The following SEC16B variants were observed in gnomAD, a reference collection of about 807,000 sequenced individuals.
SEC16B encodes the protein protein transport protein Sec16B.
A neutral mutation model predicts 141.8 loss-of-function variants in SEC16B; 115 were observed. That is an observed-to-expected ratio of 0.81 (90% CI 0.70 to 0.95). The LOEUF is 0.95. Among genes scored for constraint, SEC16B ranks in the 40% least tolerant of loss-of-function variants. The probability of loss-of-function intolerance (pLI) is 0.00; values close to 1 mark genes in which losing one functional copy is unlikely to be tolerated. For synonymous variants in SEC16B, 493 were observed against 492.5 expected (o/e 1.00, Z -0.01); for missense variants, 1,291 against 1,312.3 (o/e 0.98, Z 0.25).
Position 177,932,780 on chromosome 1 carries a change from G to C in SEC16B, c.2850C>G (p.His950Gln). 1.9e-6 allele frequency: 3 copies of C among 1,612,838 alleles called. No individual in the cohort carries two copies. The highest frequency in any genetic ancestry group is 1.7e-5 in the Admixed American group (1 of 59,924). The change falls in exon 23 of 26, where the codon CAC (histidine) becomes CAG (glutamine). Residue 950 changes from histidine (H) to glutamine (Q), a missense_variant. His to Gln is a conservative substitution (Grantham distance 24, BLOSUM62 0). Around this residue, in one of 3 missense-constraint regions of SEC16B, gnomAD observed 605 missense variants for 614.1 expected, o/e 0.99. Transcript: ENST00000308284. ...TCAGTGAGAGGCCCAGGCCAGCCTG[G>C]TGGGGAGAAGATGCTCTGGGGGTCT... ...SEETPRASSP[H>Q]QAGLGLSLTP...
At chr1:177,950,895 GGAAA>G (rs886752074) in intron 12 of SEC16B, among the ~76,000 whole-genome samples, 8 of 144,802 alleles carry the variant, frequency 5.5e-5, no homozygotes, top group Middle Eastern at 3.6e-3. Context: ...GAGGAAGGAA[GGAAA>G]GAAGGAAGGA....
intron 8 of SEC16B, chr1:177,959,383 CA>C (rs1392603102): frequency 9.0e-6 from 2 of 221,020 alleles, no homozygotes; most frequent in Admixed American, 1.0e-4. Flanking sequence ...TACCTCCATA[CA>C]AAAAGGAATT....
intron 12 of SEC16B, chr1:177,948,260 A>T: frequency 9.3e-7 from 1 of 1,075,206 alleles, no homozygotes; most frequent in Non-Finnish European, 1.2e-6. Flanking sequence ...CCAGATAGCT[A>T]GAGACAAAAC....
At position 177,970,017 on chromosome 1, in the gene SEC16B, T is replaced by A. The variant is rs1351980344; in HGVS notation, c.-192A>T. 1 of 151,820 alleles carries A rather than the reference T, an allele frequency of 6.6e-6. No individual in the cohort carries two copies. The highest frequency in any genetic ancestry group is 1.5e-5 in the Non-Finnish European group (1 of 67,992). 9.4% of individuals were successfully genotyped at this position (151,820 alleles called of 1,614,324 possible). A position where few individuals can be genotyped will look rare whatever the true frequency, so the allele number is the denominator to read the frequency against. ...GACTCCCCAGGCCCTCAGATCTACA[T>A]CATGTCAGTTACCTTTGCAACTGCC... On this transcript the variant is annotated 5_prime_UTR_variant, in exon 1 of 26. It removes an upstream start codon present in the reference 5' UTR. Coordinates refer to ENST00000308284, the MANE Select transcript of SEC16B (RefSeq NM_033127.4).
intron 1 of SEC16B, among the ~76,000 whole-genome samples, chr1:177,980,927 G>T (rs187018036): frequency 3.3e-5 from 5 of 152,034 alleles, no homozygotes; most frequent in Admixed American, 6.6e-5. Context: ...GGAAGACCTG[G>T]TACATTTGCA....
chr1:177,983,853 C>T lies in SEC16B; in HGVS notation c.-59+353G>A, dbSNP rs532229481. Among the ~76,000 whole-genome samples the T allele has an allele frequency of 3.7e-4, 57 of 152,346 alleles. 1 individual carries two copies. Among genetic ancestry groups the T allele is most frequent in the Middle Eastern group, 6.8e-3 (2 of 294 alleles). ...TTCCTTTCATCTTTCCATAATCAAA[C>T]CTGCCTAAAGTTTTTTAGTAAGTTG... On this transcript the variant is annotated intron_variant and NMD_transcript_variant, in intron 1 of 24. Coordinates refer to the SEC16B transcript ENST00000528461.
Position 177,937,478 on chromosome 1 carries a change from C to T in SEC16B, c.2239G>A (p.Gly747Ser). The change falls in exon 19 of 26, where the codon GGC becomes AGC. Residue 747 changes from glycine to serine, a missense_variant. This residue lies in a region of SEC16B where 605 missense variants were observed against 614.1 expected (regional missense o/e 0.99). Coordinates refer to ENST00000308284, the MANE Select transcript of SEC16B (RefSeq NM_033127.4). ...TFYQDFSGCQ[G>S]YSEAPGYRSA... ...CGGTACCCAGGGGCTTCAGAGTAGC[C>T]TTGACATCCAGAAAAGTCCTGGTAG... 1 of 1,574,686 alleles carries T rather than the reference C, an allele frequency of 6.4e-7. No homozygotes were observed. Among genetic ancestry groups the T allele is most frequent in the Non-Finnish European group, 8.6e-7 (1 of 1,161,484 alleles).
At chr1:177,946,374 C>A in intron 14 of SEC16B, 46 bp downstream of exon 14, 5 of 1,360,040 alleles carry the variant, frequency 3.7e-6, no homozygotes, top group Non-Finnish European at 5.1e-6. Flanking sequence ...CTAAAACAGT[C>A]CCTTGGAAAA....
In SEC16B at chr1:177,941,979, T is replaced by A. The variant is rs1651312041; in HGVS notation, c.1943A>T (p.His648Leu). 1 of 1,613,834 alleles carries A rather than the reference T, an allele frequency of 6.2e-7. No individual in the cohort carries two copies. The highest frequency in any genetic ancestry group is 8.5e-7 in the Non-Finnish European group (1 of 1,179,890). ...AGCTGCACCAATGGCTTCGCAGTAATGCAAAGCCTGGGACACGAGGCCATA... is the reference window on the plus strand; with the variant it reads ...AGCTGCACCAATGGCTTCGCAGTAAAGCAAAGCCTGGGACACGAGGCCATA... ...ADYGLVSQAL[H>L]YCEAIGAAVL... Residue 648 changes from histidine (H) to leucine (L), a missense_variant, in exon 16 of 26, where the codon CAT (histidine) becomes CTT (leucine). His to Leu is a moderately conservative substitution (Grantham distance 99). Around this residue, in one of 3 missense-constraint regions of SEC16B, gnomAD observed 605 missense variants for 614.1 expected, o/e 0.99. Transcript: ENST00000308284.
chr1:177,936,371 T>C lies in SEC16B; in HGVS notation c.2504-6A>G. The C allele has an allele frequency of 2.5e-6, 4 of 1,605,402 alleles. No individual in the cohort carries two copies. The highest frequency in any genetic ancestry group is 3.4e-6 in the Non-Finnish European group (4 of 1,175,498). On this transcript the variant is annotated splice_polypyrimidine_tract_variant and splice_region_variant and intron_variant, in intron 19 of 25. Coordinates refer to ENST00000308284, the MANE Select transcript of SEC16B (RefSeq NM_033127.4). The stretch of plus-strand genomic sequence containing the variant: ...TTGAGACACTGTGTTCTCTCCTGCA[T>C]CACAAACAGAAATGGAAATAGCAAT...
chr1:177,940,204 G>T (rs1651173114), intron 17 of SEC16B, among the ~76,000 whole-genome samples: 1 of 152,178 alleles, frequency 6.6e-6, no homozygotes, highest in African/African-American at 2.4e-5. Flanking sequence ...GAACAAAAAG[G>T]AAAAGGCCCG....
chr1:177,967,412 T>A (rs1653617634), intron 2 of SEC16B, among the ~76,000 whole-genome samples: 1 of 152,132 alleles, frequency 6.6e-6, no homozygotes, highest in East Asian at 1.9e-4. Flanking sequence ...TTTCTACCCT[T>A]GACACTGCCT....
At chr1:177,953,866 C>G (rs1034896822) in intron 11 of SEC16B, among the ~76,000 whole-genome samples, 1 of 152,128 alleles carries the variant, frequency 6.6e-6, no homozygotes, top group Non-Finnish European at 1.5e-5. Context: ...CCCCACCCTA[C>G]TCTCAGTATC....
upstream of SEC16B, among the ~76,000 whole-genome samples, chr1:177,971,112 T>C (rs1363834738): frequency 2.6e-5 from 4 of 151,926 alleles, no homozygotes; most frequent in African/African-American, 9.7e-5. Flanking sequence ...ACAGAGTCTT[T>C]CTCTGTCGCC....
At position 177,965,941 on chromosome 1, in the gene SEC16B, C is replaced by T; in HGVS notation, c.364G>A (p.Gly122Arg). The change falls in exon 3 of 26, where the codon GGA (glycine) becomes AGA (arginine). Residue 122 changes from glycine (G) to arginine (R), a missense_variant. Gly to Arg is a moderately radical substitution (Grantham distance 125). Coordinates refer to ENST00000308284, the MANE Select transcript of SEC16B (RefSeq NM_033127.4). The stretch of plus-strand genomic sequence containing the variant: ...GGGTGTCCATGATAGTAATAACTTC[C>T]ATAAGCATATTCCTCCCTCATTGTG... ...SPTMREEYAY[G>R]SYYYHGHPQW... 1 of 1,599,944 alleles carries T rather than the reference C, an allele frequency of 6.3e-7. No individual in the cohort carries two copies. The highest frequency in any genetic ancestry group is 8.5e-7 in the Non-Finnish European group (1 of 1,172,628).
At chr1:177,935,522 G>A (rs965838299) in intron 20 of SEC16B, among the ~76,000 whole-genome samples, 4 of 152,014 alleles carry the variant, frequency 2.6e-5, no homozygotes, top group African/African-American at 9.7e-5. Context: ...ATACATATAT[G>A]TGAGTATATG....
upstream of SEC16B, among the ~76,000 whole-genome samples, chr1:177,973,933 G>A (rs996020431): frequency 1.3e-5 from 2 of 152,040 alleles, no homozygotes; most frequent in Non-Finnish European, 2.9e-5. Flanking sequence ...CATAAATCAA[G>A]CAGGACAGAT....
chr1:177,974,257 A>G (rs1654079605), upstream of SEC16B, among the ~76,000 whole-genome samples: 1 of 152,144 alleles, frequency 6.6e-6, no homozygotes, highest in African/African-American at 2.4e-5. Flanking sequence ...TAAGTAGTTC[A>G]CTGTAATGAG....
At chr1:177,944,829 A>C (rs1557973735) in intron 14 of SEC16B, among the ~76,000 whole-genome samples, 163 bp from the exon 15 acceptor site, 1 of 152,150 alleles carries the variant, frequency 6.6e-6, no homozygotes, top group African/African-American at 2.4e-5. Flanking sequence ...CTGGGCTCCC[A>C]GAGTGAGTGT....
Sources: allele counts gnomAD v4.1 joint callset (sites outside exome capture counted in the v4.1 genomes callset), GRCh38; gene constraint gnomAD v4.1.1; regional missense constraint gnomAD v4.1.1; transcripts MANE v1.5; gene names NCBI Gene and HGNC (gene_info 2026-07-23, HGNC 2026-07-21).